The following RPS6KC1 variants were observed in gnomAD, a reference collection of about 807,000 sequenced individuals.
RPS6KC1 encodes the protein ribosomal protein S6 kinase C1.
In RPS6KC1, 54 loss-of-function variants were observed where a neutral mutation model predicts 103.8. That is an observed-to-expected ratio of 0.52 (90% CI 0.42 to 0.65). The LOEUF (loss-of-function observed/expected upper bound fraction) is 0.65, where lower values mean the gene tolerates loss of function less well. Ranked by LOEUF, RPS6KC1 falls within the 30% of genes least tolerant of loss-of-function variation. The pLI, the probability that RPS6KC1 is intolerant of heterozygous loss-of-function variation, is 0.00. For synonymous variants in RPS6KC1, 439 were observed against 438.7 expected (o/e 1.00, Z -0.01); for missense variants, 1,151 against 1,253.8 (o/e 0.92, Z 1.24).
chr1:213,394,052 T>C, the RPS6KC1 span, among the ~76,000 whole-genome samples: 3 of 152,076 alleles, frequency 2.0e-5, no homozygotes, highest in African/African-American at 7.2e-5. Flanking sequence ...ACAGGTTGGC[T>C]GTGAGGCTGA....
the RPS6KC1 span, among the ~76,000 whole-genome samples, chr1:213,691,915 C>T: frequency 2.6e-5 from 4 of 152,170 alleles, no homozygotes; most frequent in African/African-American, 4.8e-5. Context: ...ACAAGCGACG[C>T]AGAAGAGGCC....
the RPS6KC1 span, among the ~76,000 whole-genome samples, chr1:213,289,546 T>A: frequency 6.6e-6 from 1 of 152,144 alleles, no homozygotes; most frequent in Non-Finnish European, 1.5e-5. Flanking sequence ...CCAATTCAGA[T>A]AAATGGCAGA....
At position 213,054,061 on chromosome 1, in the gene RPS6KC1, C is replaced by A. The variant is rs185467646; in HGVS notation, c.105+2552C>A. Among the ~76,000 whole-genome samples, 978 of 152,232 alleles carry A rather than the reference C, an allele frequency of 6.4e-3. 37 individuals are homozygous for A. Among genetic ancestry groups the A allele is most frequent in the Admixed American group, 0.06 (917 of 15,274 alleles). ...TTGTTGTCCAGTCTGGTCTCGAACT[C>A]CTGACCTCAGGTGATCCACCCACCT... On this transcript the variant is annotated intron_variant, in intron 1 of 14. Transcript: ENST00000366960.
Position 213,241,157 on chromosome 1 carries a change from C to A in RPS6KC1, c.1681C>A (p.Pro561Thr). 1 of 1,613,868 alleles carries A rather than the reference C, an allele frequency of 6.2e-7. No individual in the cohort carries two copies. ...PAHLAADSDS[P>T]STQLRAHELK... Reference sequence around the variant, plus strand: ...ACACCTTGCTGCTGACAGTGACAGCCCCAGCACACAGCTGAGAGCTCACGA... The same window carrying A: ...ACACCTTGCTGCTGACAGTGACAGCACCAGCACACAGCTGAGAGCTCACGA... The change falls in exon 11 of 15, where the codon CCC becomes ACC. Residue 561 changes from proline to threonine, a missense_variant. Physicochemically the swap from Pro to Thr is conservative, Grantham distance 38. Coordinates refer to ENST00000366960, the MANE Select transcript of RPS6KC1 (RefSeq NM_012424.6).
At chr1:213,736,167 C>A in the RPS6KC1 span, among the ~76,000 whole-genome samples, 1 of 152,184 alleles carries the variant, frequency 6.6e-6, no homozygotes, top group African/African-American at 2.4e-5. Context: ...AATTACCACA[C>A]ACTTAATACC....
chr1:213,727,782 G>T, the RPS6KC1 span, among the ~76,000 whole-genome samples: 1 of 152,206 alleles, frequency 6.6e-6, no homozygotes, highest in Non-Finnish European at 1.5e-5. Flanking sequence ...AAACTAGCAT[G>T]AAGTTGGTAT....
At chr1:213,404,176 C>G in the RPS6KC1 span, among the ~76,000 whole-genome samples, 1 of 152,156 alleles carries the variant, frequency 6.6e-6, no homozygotes, top group African/African-American at 2.4e-5. Flanking sequence ...AAGGGGGCTG[C>G]CTTTCCACCT....
chr1:213,736,369 C>T, the RPS6KC1 span, among the ~76,000 whole-genome samples: 1 of 152,154 alleles, frequency 6.6e-6, no homozygotes, highest in African/African-American at 2.4e-5. Flanking sequence ...AATTCATTTC[C>T]TTGTGGCTGT....
At chr1:213,504,698 T>A in the RPS6KC1 span, among the ~76,000 whole-genome samples, 1 of 152,234 alleles carries the variant, frequency 6.6e-6, no homozygotes, top group Non-Finnish European at 1.5e-5. Flanking sequence ...ATCTTTTCTA[T>A]TATTTTGTAT....
the RPS6KC1 span, among the ~76,000 whole-genome samples, chr1:213,660,223 G>A: frequency 6.6e-6 from 1 of 152,208 alleles, no homozygotes; most frequent in African/African-American, 2.4e-5. Context: ...CTTTTAGTTG[G>A]AGTGACAGGG....
At chr1:213,242,918 A>G (rs1312447889) in intron 12 of RPS6KC1, among the ~76,000 whole-genome samples, 2 of 152,176 alleles carry the variant, frequency 1.3e-5, no homozygotes, top group Non-Finnish European at 2.9e-5. Context: ...ACTGCAGTGA[A>G]TTCTTAGAAA....
the RPS6KC1 span, among the ~76,000 whole-genome samples, chr1:213,351,766 G>A: frequency 6.6e-6 from 1 of 152,232 alleles, no homozygotes; most frequent in African/African-American, 2.4e-5. Flanking sequence ...AGCGGAGATT[G>A]GTCTTTGGGA....
intron 7 of RPS6KC1, among the ~76,000 whole-genome samples, chr1:213,173,983 T>A (rs901818877): frequency 2.6e-5 from 4 of 152,310 alleles, no homozygotes; most frequent in South Asian, 2.1e-4. Context: ...GAGATAGGGA[T>A]GTTGGAGATA....
intron 14 of RPS6KC1, among the ~76,000 whole-genome samples, chr1:213,266,546 C>T (rs2094916083): frequency 1.3e-5 from 2 of 152,000 alleles, no homozygotes; most frequent in African/African-American, 4.8e-5. Flanking sequence ...GGTAAAAAAC[C>T]AGTCATTTCA....
chr1:213,711,719 G>A, the RPS6KC1 span, among the ~76,000 whole-genome samples: 2 of 152,162 alleles, frequency 1.3e-5, no homozygotes, highest in Non-Finnish European at 2.9e-5. Context: ...TTTTGTTGGT[G>A]TTGATGCTGT....
chr1:213,695,137 AGTAG>A, the RPS6KC1 span, among the ~76,000 whole-genome samples: 2 of 152,226 alleles, frequency 1.3e-5, no homozygotes, highest in African/African-American at 4.8e-5. Flanking sequence ...CCTGCCACAT[AGTAG>A]GCACTCAATA....
chr1:213,849,026 T>C, the RPS6KC1 span, among the ~76,000 whole-genome samples: 1 of 152,278 alleles, frequency 6.6e-6, no homozygotes, highest in Admixed American at 6.5e-5. Flanking sequence ...TGTGGCAGGA[T>C]GTCAACAGAG....
chr1:213,096,077 C>G (rs1209695897), intron 3 of RPS6KC1, among the ~76,000 whole-genome samples: 1 of 152,200 alleles, frequency 6.6e-6, no homozygotes, highest in Non-Finnish European at 1.5e-5. Flanking sequence ...GGAGTCAGTC[C>G]TCTCAGATCC....
the RPS6KC1 span, among the ~76,000 whole-genome samples, chr1:213,669,295 T>C: frequency 6.6e-6 from 1 of 152,158 alleles, no homozygotes; most frequent in African/African-American, 2.4e-5. Context: ...GTGTTATTAA[T>C]TGGCCTAATG....
Sources: allele counts gnomAD v4.1 joint callset (sites outside exome capture counted in the v4.1 genomes callset), GRCh38; gene constraint gnomAD v4.1.1; transcripts MANE v1.5; gene names NCBI Gene and HGNC (gene_info 2026-07-23, HGNC 2026-07-21).